TMED10: variants seen among roughly 807,000 people sequenced by gnomAD.
The protein encoded by TMED10 is transmembrane emp24 domain-containing protein 10.
In TMED10, 7 loss-of-function variants were observed where a neutral mutation model predicts 23.1. That is an observed-to-expected ratio of 0.30 (90% CI 0.17 to 0.57). TMED10 has a LOEUF of 0.57. Ranked by LOEUF, TMED10 falls within the 20% of genes least tolerant of loss-of-function variation. The pLI, the probability that TMED10 is intolerant of heterozygous loss-of-function variation, is 0.91. For missense variants in TMED10, 162 were observed against 274.8 expected (o/e 0.59, Z 2.90); for synonymous variants, 113 against 106.9 (o/e 1.06, Z -0.35).
rs1896306228 is a variant in TMED10, at chr14:75,176,403, C to G, written c.177G>C (p.Glu59Asp). 1 of 1,614,108 alleles carries G rather than the reference C, an allele frequency of 6.2e-7. No individual in the cohort carries two copies. The highest frequency in any genetic ancestry group is 8.5e-7 in the Non-Finnish European group (1 of 1,180,042). Residue 59 changes from glutamate to aspartate, a missense_variant, in exon 1 of 5, where the codon GAG becomes GAC. Glu to Asp is a conservative substitution (Grantham distance 45). Coordinates refer to ENST00000303575, the MANE Select transcript of TMED10 (RefSeq NM_006827.6). ...CAGCGCCCCCAGACTGGTCGGAGAT[C>G]TCGTACGCGCCAGTCACTAGCAGGT... ...HKDLLVTGAYEISDQSGGAGG... is the reference protein window; with the variant it reads ...HKDLLVTGAYDISDQSGGAGG...
At chr14:75,146,034 C>T (rs1225830738) in intron 3 of TMED10, among the ~76,000 whole-genome samples, 1 of 152,132 alleles carries the variant, frequency 6.6e-6, no homozygotes, top group Non-Finnish European at 1.5e-5. Context: ...AATTAAGATT[C>T]TTCTGAATCA....
At chr14:75,153,273 C>CA (rs1164579189) in intron 1 of TMED10, among the ~76,000 whole-genome samples, 1 of 147,692 alleles carries the variant, frequency 6.8e-6, no homozygotes, top group Non-Finnish European at 1.5e-5. Context: ...GACTCTGTCT[C>CA]AAAAAAACAA....
chr14:75,158,448 C>A (rs1278966599), intron 1 of TMED10, among the ~76,000 whole-genome samples: 1 of 152,164 alleles, frequency 6.6e-6, no homozygotes, highest in Admixed American at 6.5e-5. Flanking sequence ...CTGCCTCAGT[C>A]TTCCGCGTAG....
At chr14:75,142,327 TACTC>T (rs1895833048) in intron 3 of TMED10, among the ~76,000 whole-genome samples, 1 of 152,204 alleles carries the variant, frequency 6.6e-6, no homozygotes, top group South Asian at 2.1e-4. Flanking sequence ...TCCATAAAGT[TACTC>T]AGCCCTTTGG....
At chr14:75,176,246 G>A (rs1896303899) in intron 1 of TMED10, 109 bp downstream of exon 1, 2 of 1,375,772 alleles carry the variant, frequency 1.5e-6, no homozygotes, top group South Asian at 1.3e-5. Flanking sequence ...GCTCCCGGGA[G>A]GCCAGAACAA....
At chr14:75,138,812 C>CCT (rs368641909) in intron 3 of TMED10, among the ~76,000 whole-genome samples, 3 of 95,054 alleles carry the variant, frequency 3.2e-5, no homozygotes, top group Non-Finnish European at 6.4e-5. Flanking sequence ...GCCTTTGCTT[C>CCT]TTTTTTTTTT....
intron 3 of TMED10, among the ~76,000 whole-genome samples, chr14:75,140,286 A>G (rs1357682919): frequency 6.6e-6 from 1 of 152,078 alleles, no homozygotes; most frequent in African/African-American, 2.4e-5. Flanking sequence ...TTTTTAGTAG[A>G]GACAGGGTTT....
chr14:75,163,696 C>A (rs1384731344), intron 1 of TMED10, among the ~76,000 whole-genome samples: 4 of 152,042 alleles, frequency 2.6e-5, no homozygotes, highest in African/African-American at 9.7e-5. Context: ...ACAGGTGTGC[C>A]GTTTACCAGC....
chr14:75,169,989 A>G (rs1297837937), intron 1 of TMED10, among the ~76,000 whole-genome samples: 1 of 152,076 alleles, frequency 6.6e-6, no homozygotes, highest in Non-Finnish European at 1.5e-5. Context: ...GCACTTTGGG[A>G]GGCAGAGGCG....
At chr14:75,174,847 C>A (rs187935781) in intron 1 of TMED10, among the ~76,000 whole-genome samples, 1 of 151,912 alleles carries the variant, frequency 6.6e-6, no homozygotes, top group Admixed American at 6.6e-5. Context: ...TCAAGACCAT[C>A]CTGGCCAACA....
chr14:75,166,388 C>A (rs1269628736), intron 1 of TMED10, among the ~76,000 whole-genome samples: 1 of 152,160 alleles, frequency 6.6e-6, no homozygotes, highest in Non-Finnish European at 1.5e-5. Context: ...GGCAATGGCT[C>A]AGGATCAAAC....
At chr14:75,174,720 G>A (rs1331460970) in intron 1 of TMED10, among the ~76,000 whole-genome samples, 3 of 152,176 alleles carry the variant, frequency 2.0e-5, no homozygotes, top group East Asian at 1.9e-4. Context: ...CATAAGTTAT[G>A]GTCTTATTAT....
chr14:75,164,569 A>ATTTT, intron 1 of TMED10, among the ~76,000 whole-genome samples: 1 of 2,004 alleles, frequency 5.0e-4, no homozygotes, highest in South Asian at 0.031. Context: ...ATATATATAT[A>ATTTT]TATATATATT....
At chr14:75,172,858 A>C (rs190821055) in intron 1 of TMED10, among the ~76,000 whole-genome samples, 73 of 152,328 alleles carry the variant, frequency 4.8e-4, no homozygotes, top group Non-Finnish European at 6.6e-4. Flanking sequence ...CTGAAAACAA[A>C]TCAATGCCCG....
intron 1 of TMED10, among the ~76,000 whole-genome samples, chr14:75,163,620 C>G (rs994562154): frequency 6.7e-6 from 1 of 150,326 alleles, no homozygotes; most frequent in African/African-American, 2.4e-5. Context: ...CTCTGAGAGA[C>G]CATACAACAT....
chr14:75,171,580 T>C (rs933077148), intron 1 of TMED10, among the ~76,000 whole-genome samples: 1 of 152,084 alleles, frequency 6.6e-6, no homozygotes, highest in African/African-American at 2.4e-5. Flanking sequence ...GCGCCCAGCC[T>C]GGCTTTAAAG....
At chr14:75,166,867 T>C (rs796439232) in intron 1 of TMED10, among the ~76,000 whole-genome samples, 216 of 151,812 alleles carry the variant, frequency 1.4e-3, no homozygotes, top group African/African-American at 5.0e-3. Flanking sequence ...CTGGCATAAG[T>C]AAGGGTTCAT....
At chr14:75,170,091 G>C (rs2139861628) in intron 1 of TMED10, among the ~76,000 whole-genome samples, 1 of 152,194 alleles carries the variant, frequency 6.6e-6, no homozygotes. Context: ...GCCGGGCGTG[G>C]TGGCGGGCGC....
chr14:75,154,748 C>T (rs892501764), intron 1 of TMED10, among the ~76,000 whole-genome samples: 1 of 152,054 alleles, frequency 6.6e-6, no homozygotes, highest in Admixed American at 6.6e-5. Flanking sequence ...ACTGCAACCT[C>T]TGCCTCCCGG....
Sources: gnomAD v4.1 joint callset for allele counts (sites outside exome capture counted in the v4.1 genomes callset) on GRCh38, gnomAD v4.1.1 for gene constraint, MANE v1.5 for transcripts, NCBI Gene and HGNC (gene_info 2026-07-23, HGNC 2026-07-21) for gene names.